The following LMBRD2 variants were observed in gnomAD, a reference collection of about 807,000 sequenced individuals.
The protein encoded by LMBRD2 is G protein-coupled receptor-associated protein LMBRD2.
Under a neutral mutation model 94.4 loss-of-function variants are expected in LMBRD2, and 55 were observed. The observed-to-expected ratio is 0.58, with a 90% confidence interval of 0.47 to 0.73. The LOEUF (loss-of-function observed/expected upper bound fraction) is 0.73. LMBRD2 is among the 30% of genes least tolerant of loss of function. The probability of loss-of-function intolerance (pLI) is 0.00; values close to 1 mark genes in which losing one functional copy is unlikely to be tolerated. For synonymous variants in LMBRD2, 246 were observed against 272.4 expected, an observed-to-expected ratio of 0.90 and a Z score of 0.95; for missense variants, 640 against 831.9, an observed-to-expected ratio of 0.77 and a Z score of 2.84.
intron 11 of LMBRD2, among the ~76,000 whole-genome samples, chr5:36,115,575 C>G (rs1406978446): frequency 6.6e-6 from 1 of 152,110 alleles, no homozygotes; most frequent in Non-Finnish European, 1.5e-5. Context: ...AAAAGAATGC[C>G]TTACAAACCC....
chr5:36,112,050 A>AGGAGAGAGAG (rs1198237645), intron 13 of LMBRD2, among the ~76,000 whole-genome samples: 1 of 148,156 alleles, frequency 6.7e-6, no homozygotes, highest in Non-Finnish European at 1.5e-5. Context: ...AAAGTGGTGA[A>AGGAGAGAGAG]GGAGAGAGAG....
intron 11 of LMBRD2, among the ~76,000 whole-genome samples, chr5:36,115,634 TA>T (rs1263526728): frequency 4.6e-5 from 7 of 151,156 alleles, no homozygotes; most frequent in South Asian, 4.2e-4. Context: ...GGGTATGAAT[TA>T]AAAAAAAATA....
Position 36,116,568 on chromosome 5 carries a change from A to T in LMBRD2, c.1328T>A (p.Phe443Tyr). 1 of 1,611,690 alleles carries T rather than the reference A, an allele frequency of 6.2e-7. No individual in the cohort carries two copies. Among genetic ancestry groups the T allele is most frequent in the Non-Finnish European group, 8.5e-7 (1 of 1,179,502 alleles). ...AGTAGAATAAACACAGATACTTAGGAAGAAGATGGAAAGGAAGCAGGCAAT... is the reference window on the plus strand; with the variant it reads ...AGTAGAATAAACACAGATACTTAGGTAGAAGATGGAAAGGAAGCAGGCAAT... Reference protein sequence around the residue: ...IEIACFLSIFFLSICVYSTVF... With the variant: ...IEIACFLSIFYLSICVYSTVF... The change falls in exon 11 of 18, where the codon TTC becomes TAC. Residue 443 changes from phenylalanine to tyrosine, a missense_variant. Phe to Tyr is a conservative substitution (Grantham distance 22, BLOSUM62 3). Coordinates refer to ENST00000296603, the MANE Select transcript of LMBRD2 (RefSeq NM_001007527.2).
chr5:36,106,229 G>GT (rs754157193), intron 16 of LMBRD2, among the ~76,000 whole-genome samples: 4 of 152,044 alleles, frequency 2.6e-5, no homozygotes, highest in Non-Finnish European at 4.4e-5. Flanking sequence ...CTATTTCCTA[G>GT]TTTTAACTAA....
chr5:36,149,268 TA>T (rs1744629603), intron 1 of LMBRD2, among the ~76,000 whole-genome samples: 1 of 151,940 alleles, frequency 6.6e-6, no homozygotes, highest in African/African-American at 2.4e-5. Context: ...AAAAATACAT[TA>T]GGGGGTGATA....
intron 9 of LMBRD2, among the ~76,000 whole-genome samples, chr5:36,118,658 T>G (rs1480705319): frequency 6.6e-6 from 1 of 150,906 alleles, no homozygotes; most frequent in Non-Finnish European, 1.5e-5. Flanking sequence ...GTTTTTTGTT[T>G]TTTTTTTTTT....
intron 10 of LMBRD2, among the ~76,000 whole-genome samples, 195 bp downstream of exon 10, chr5:36,117,540 T>C (rs1743786874): frequency 6.6e-6 from 1 of 152,126 alleles, no homozygotes; most frequent in Non-Finnish European, 1.5e-5. Flanking sequence ...TTGCAACTTT[T>C]CATCTCTCCT....
chr5:36,146,311 C>A (rs1744536489), intron 1 of LMBRD2, among the ~76,000 whole-genome samples: 1 of 152,172 alleles, frequency 6.6e-6, no homozygotes, highest in Admixed American at 6.5e-5. Flanking sequence ...CTTAGGGTCA[C>A]ACAAGTTTAA....
At chr5:36,135,122 T>TA (rs575590297) in intron 6 of LMBRD2, among the ~76,000 whole-genome samples, 154 of 152,282 alleles carry the variant, frequency 1.0e-3, no homozygotes, top group African/African-American at 3.7e-3. Context: ...AAGCCTAAAA[T>TA]ATTTACTATC....
At chr5:36,112,533 G>T (rs1361440621) in intron 13 of LMBRD2, among the ~76,000 whole-genome samples, 1 of 152,098 alleles carries the variant, frequency 6.6e-6, no homozygotes, top group Non-Finnish European at 1.5e-5. Flanking sequence ...ATTGCTTCAG[G>T]TGTTTCTATA....
chr5:36,123,566 A>G (rs1743936262), intron 7 of LMBRD2, among the ~76,000 whole-genome samples: 1 of 152,058 alleles, frequency 6.6e-6, no homozygotes, highest in Non-Finnish European at 1.5e-5. Context: ...CTAGGAAAAT[A>G]AATGTTTCCA....
At position 36,105,177 on chromosome 5, in the gene LMBRD2, C is replaced by T. The variant is rs777723014; in HGVS notation, c.1918G>A (p.Ala640Thr). Residue 640 changes from alanine (A) to threonine (T), a missense_variant, in exon 17 of 18, where the codon GCT becomes ACT. Transcript: ENST00000296603. ...TNRSAFKYTR[A>T]NNRTERDRIE... ...CGGTCCCTTTCAGTCCTGTTATTAG[C>T]CCTGGTATATTTGAATGCAGCTGCA... 4.3e-6 allele frequency: 7 copies of T among 1,612,214 alleles called. No individual in the cohort carries two copies. The South Asian group carries it at 6.6e-5, about 15-fold the overall frequency.
intron 6 of LMBRD2, 68 bp downstream of exon 6, chr5:36,136,241 C>A: frequency 6.8e-7 from 1 of 1,478,200 alleles, no homozygotes; most frequent in Non-Finnish European, 9.5e-7. Context: ...CAACAACAAA[C>A]CAAAAATGAC....
rs1581053235 is a variant in LMBRD2 at position 36,126,065 on chromosome 5, T to C, written c.748-1800A>G. ...TGAAAGAGCAAGATCAAAGTGATCCTAGAAGCCCTTAATCATGGTTTATTT... is the reference window on the plus strand; with the variant it reads ...TGAAAGAGCAAGATCAAAGTGATCCCAGAAGCCCTTAATCATGGTTTATTT... On this transcript the variant is annotated intron_variant, in intron 6 of 17. Coordinates refer to ENST00000296603, the MANE Select transcript of LMBRD2 (RefSeq NM_001007527.2). 5.3e-5 allele frequency among the ~76,000 whole-genome samples: 8 copies of C among 152,312 alleles called. No individual in the cohort carries two copies. In the South Asian group the frequency reaches 1.7e-3, roughly 32 times the overall value.
chr5:36,146,921 C>CGTGTGA lies in LMBRD2; in HGVS notation c.-57-3516_-57-3515insTCACAC, dbSNP rs1421365882. Among the ~76,000 whole-genome samples, 153 of 75,022 alleles carry CGTGTGA rather than the reference C, an allele frequency of 2.0e-3. 1 individual carries two copies. Among genetic ancestry groups the CGTGTGA allele is most frequent in the African/African-American group, 5.1e-3 (147 of 28,994 alleles). The allele number at this position is 75,022 out of a possible 152,430, so 49.2% of individuals were successfully genotyped here. ...ATCTCCTCACTCACTTCTCTCTCTG[C>CGTGTGA]GTGTGTGTGTGTGTGTGTGAGTGTG... On this transcript the variant is annotated intron_variant, in intron 1 of 17. Transcript: ENST00000296603.
intron 6 of LMBRD2, among the ~76,000 whole-genome samples, chr5:36,129,396 C>T (rs1383275205): frequency 1.3e-5 from 2 of 151,212 alleles, no homozygotes; most frequent in Non-Finnish European, 2.9e-5. Context: ...AATGGAGCTC[C>T]AATATGTCTG....
In LMBRD2 at chr5:36,101,907, A is replaced by G. The variant is rs1393618804; in HGVS notation, c.*2139T>C. On this transcript the variant is annotated 3_prime_UTR_variant, in exon 18 of 18. Coordinates refer to ENST00000296603, the MANE Select transcript of LMBRD2 (RefSeq NM_001007527.2). Reference sequence around the variant, plus strand: ...CGTTCCTACCAATTTATCTTAGGGCATTATAAAAGTTAGTTATAAAAGTAA... The same window carrying G: ...CGTTCCTACCAATTTATCTTAGGGCGTTATAAAAGTTAGTTATAAAAGTAA... 1 of 151,968 alleles carries G rather than the reference A, an allele frequency of 6.6e-6. No homozygotes were observed. The highest frequency in any genetic ancestry group is 2.4e-5 in the African/African-American group (1 of 41,436). The allele number at this position is 151,968 out of a possible 1,614,324, so 9.4% of individuals were successfully genotyped here.
chr5:36,134,101 GT>G (rs1451082436), intron 6 of LMBRD2, among the ~76,000 whole-genome samples: 3 of 151,948 alleles, frequency 2.0e-5, no homozygotes, highest in African/African-American at 7.3e-5. Flanking sequence ...AAATATAAAT[GT>G]AAAATTTATC....
intron 1 of LMBRD2, among the ~76,000 whole-genome samples, chr5:36,149,287 T>C (rs1383729389): frequency 2.6e-5 from 4 of 152,220 alleles, no homozygotes; most frequent in African/African-American, 9.6e-5. Flanking sequence ...ATAAGGGTTA[T>C]GTAAACAGGT....
Sources: gnomAD v4.1 joint callset for allele counts (sites outside exome capture counted in the v4.1 genomes callset) on GRCh38, gnomAD v4.1.1 for gene constraint, MANE v1.5 for transcripts, NCBI Gene and HGNC (gene_info 2026-07-23, HGNC 2026-07-21) for gene names.